Variants in MLIP observed in about 807,000 individuals in gnomAD.
MLIP encodes muscular LMNA-interacting protein.
Under a neutral mutation model 84.8 loss-of-function variants are expected in MLIP, and 79 were observed. The observed-to-expected ratio is 0.93, with a 90% CI of 0.78 to 1.12. MLIP has a LOEUF of 1.12. Ranked by LOEUF, MLIP falls within the 50% of genes most tolerant of loss-of-function variation. MLIP has a pLI of 0.00. For synonymous variants in MLIP, 504 were observed against 463.0 expected (o/e 1.09, Z -1.14); for missense variants, 1,257 against 1,160.6 (o/e 1.08, Z -1.21).
intron 11 of MLIP, among the ~76,000 whole-genome samples, chr6:54,222,996 CT>C (rs1477778262): frequency 6.6e-6 from 1 of 151,946 alleles, no homozygotes; most frequent in Non-Finnish European, 1.5e-5. Context: ...ACCTGTTGGT[CT>C]TTTCATATGC....
intron 1 of MLIP, among the ~76,000 whole-genome samples, chr6:54,081,201 T>C (rs551056071): frequency 6.6e-6 from 1 of 152,258 alleles, no homozygotes; most frequent in South Asian, 2.1e-4. Flanking sequence ...CGCACCATCC[T>C]TGGGGAGGTG....
chr6:54,048,490 C>T (rs945780042), intron 1 of MLIP, among the ~76,000 whole-genome samples: 10 of 152,118 alleles, frequency 6.6e-5, no homozygotes, highest in South Asian at 4.1e-4. Context: ...TTTGGGCATG[C>T]ACCCAGTTTA....
In MLIP at chr6:54,144,772, C is replaced by T. The variant is rs530902199; in HGVS notation, c.2218-4284C>T. 2.6e-5 allele frequency among the ~76,000 whole-genome samples: 4 copies of T among 152,316 alleles called. 1 individual carries two copies. The South Asian group carries it at 8.3e-4, about 32-fold the overall frequency. ...ACTGTGAGTCCAAACCCCTGATCCT[C>T]AAAGCAACTAACATAGTTCACTTTG... On this transcript the variant is annotated intron_variant, in intron 4 of 13. Transcript: ENST00000502396.
intron 12 of MLIP, among the ~76,000 whole-genome samples, chr6:54,239,358 T>TATATATATAATATATATATATATA (rs1326807089): frequency 2.0e-5 from 3 of 147,114 alleles, no homozygotes; most frequent in Admixed American, 6.8e-5. Context: ...CATTTAAACA[T>TATATATATAATATATATATATATA]ATATATATAA....
chr6:54,233,070 A>G (rs1781116059), intron 12 of MLIP, among the ~76,000 whole-genome samples: 2 of 152,198 alleles, frequency 1.3e-5, no homozygotes, highest in South Asian at 2.1e-4. Context: ...ATCATATCCT[A>G]TAAGGATGCT....
intron 11 of MLIP, among the ~76,000 whole-genome samples, chr6:54,209,058 T>A (rs1779237040): frequency 1.3e-5 from 2 of 152,220 alleles, no homozygotes; most frequent in South Asian, 4.1e-4. Flanking sequence ...ATTCTTTGAA[T>A]ATGAATGCTA....
intron 12 of MLIP, among the ~76,000 whole-genome samples, chr6:54,239,153 T>C (rs1781555424): frequency 1.3e-5 from 2 of 151,954 alleles, no homozygotes; most frequent in African/African-American, 2.4e-5. Flanking sequence ...TTTCACTTCA[T>C]AGCCAGAGCA....
intron 4 of MLIP, among the ~76,000 whole-genome samples, chr6:54,147,795 G>A (rs1773017816): frequency 6.6e-6 from 1 of 152,122 alleles, no homozygotes; most frequent in South Asian, 2.1e-4. Context: ...GTGGGTGACT[G>A]ATTATCTTGC....
At position 54,241,832 on chromosome 6, in the gene MLIP, G is replaced by A. The variant is rs186655045; in HGVS notation, c.2922+10915G>A. ...TATAACTTGTCTGAAATGAAAAAGGGGGATGAGAGTGAGCAAATAGATGTA... is the reference window on the plus strand; with the variant it reads ...TATAACTTGTCTGAAATGAAAAAGGAGGATGAGAGTGAGCAAATAGATGTA... On this transcript the variant is annotated intron_variant, in intron 12 of 13. Coordinates refer to ENST00000502396, the MANE Select transcript of MLIP (RefSeq NM_001281747.2). Among the ~76,000 whole-genome samples, 266 of 152,196 alleles carry A rather than the reference G, an allele frequency of 1.7e-3. 1 individual carries two copies. The highest frequency in any genetic ancestry group is 2.1e-3 in the East Asian group (11 of 5,186).
chr6:54,213,707 C>CAAAAAAAAAAA (rs1219772069), intron 11 of MLIP, among the ~76,000 whole-genome samples: 3 of 8,480 alleles, frequency 3.5e-4, no homozygotes, highest in Non-Finnish European at 4.6e-4. Context: ...GACTTTGTCT[C>CAAAAAAAAAAA]AAAAAAAAAA....
At chr6:54,053,864 A>C (rs1485187693) in intron 1 of MLIP, among the ~76,000 whole-genome samples, 1 of 152,218 alleles carries the variant, frequency 6.6e-6, no homozygotes, top group East Asian at 1.9e-4. Flanking sequence ...CTAGTGGCTA[A>C]TATAATAAAT....
chr6:54,166,264 A>G (rs533159380), intron 8 of MLIP, among the ~76,000 whole-genome samples: 22 of 152,022 alleles, frequency 1.4e-4, no homozygotes, highest in African/African-American at 5.3e-4. Context: ...AATACCTTTC[A>G]ATGAAGTAAA....
intron 1 of MLIP, among the ~76,000 whole-genome samples, chr6:54,058,294 T>C (rs1765774707): frequency 6.6e-6 from 1 of 152,216 alleles, no homozygotes; most frequent in Non-Finnish European, 1.5e-5. Flanking sequence ...TTGTGTTAGA[T>C]ACTGGGGTTA....
intron 1 of MLIP, among the ~76,000 whole-genome samples, chr6:54,054,329 A>G (rs952904372): frequency 2.0e-5 from 3 of 152,060 alleles, no homozygotes; most frequent in African/African-American, 7.3e-5. Context: ...TGAACTTGCA[A>G]ATGACACATT....
Position 54,160,766 on chromosome 6 carries a change from C to T in MLIP, c.2466C>T (p.Ser822=), listed in dbSNP as rs568665457. 6.2e-6 allele frequency: 10 copies of T among 1,603,168 alleles called. No homozygotes were observed. In the East Asian group the frequency reaches 6.7e-5, roughly 11 times the overall value. The change falls in exon 8 of 14, where the codon TCC becomes TCT. Residue 822 remains serine, a synonymous_variant. Transcript: ENST00000502396. The part of the protein sequence containing the change: ...SMHSSDSPSR[S]PKTLLGSDTV... ...ATTCTTCTGATTCTCCTTCAAGGTCCCCAAAGACATTGTTGGGTTCTGACA... is the reference window on the plus strand; with the variant it reads ...ATTCTTCTGATTCTCCTTCAAGGTCTCCAAAGACATTGTTGGGTTCTGACA...
chr6:54,084,864 T>C (rs1465572406), intron 1 of MLIP, among the ~76,000 whole-genome samples: 1 of 152,168 alleles, frequency 6.6e-6, no homozygotes, highest in Non-Finnish European at 1.5e-5. Flanking sequence ...TGCAAAATCT[T>C]CTTCGCTTCA....
In MLIP at chr6:54,216,063, A is replaced by G. The variant is rs557346401; in HGVS notation, c.2718+13830A>G. On this transcript the variant is annotated intron_variant, in intron 11 of 13. Coordinates refer to ENST00000502396, the MANE Select transcript of MLIP (RefSeq NM_001281747.2). ...TTTAACACGTTTTATTTATTCATTT[A>G]TCCATCAACAGACACTTCGGTTGTT... 1.4e-3 allele frequency: 855 copies of G among 610,724 alleles called. 5 individuals carry two copies. The highest frequency in any genetic ancestry group is 2.5e-3 in the Middle Eastern group (3 of 1,216). 37.8% of individuals were successfully genotyped at this position (610,724 alleles called of 1,614,324 possible).
rs111685549 is a variant in MLIP at position 54,241,878 on chromosome 6, G to A, written c.2922+10961G>A. The stretch of plus-strand genomic sequence containing the variant: ...ATGTATTTTCAGTTCAATTATTTGC[G>A]TTATTTCTGTCTTCTCTATGTAAAG... On this transcript the variant is annotated intron_variant, in intron 12 of 13. Transcript: ENST00000502396. Among the ~76,000 whole-genome samples, 688 of 152,190 alleles carry A rather than the reference G, an allele frequency of 4.5e-3. 10 individuals carry two copies. Among genetic ancestry groups the A allele is most frequent in the African/African-American group, 0.016 (647 of 41,516 alleles).
chr6:54,219,370 C>A (rs1582538588), intron 11 of MLIP, among the ~76,000 whole-genome samples: 1 of 77,500 alleles, frequency 1.3e-5, no homozygotes, highest in East Asian at 3.2e-4. Flanking sequence ...ACATTTTAAA[C>A]TTTTTTTTTT....
Sources: allele counts gnomAD v4.1 joint callset (sites outside exome capture counted in the v4.1 genomes callset), GRCh38; gene constraint gnomAD v4.1.1; transcripts MANE v1.5; gene names NCBI Gene and HGNC (gene_info 2026-07-23, HGNC 2026-07-21).